The following RNF169 variants were observed in gnomAD, a reference collection of about 807,000 sequenced individuals.
The protein encoded by RNF169 is E3 ubiquitin-protein ligase RNF169.
In RNF169, 24 loss-of-function variants were observed where a neutral mutation model predicts 53.9. The observed-to-expected ratio is 0.45, with a 90% CI of 0.32 to 0.63. The LOEUF (loss-of-function observed/expected upper bound fraction) is 0.63. Ranked by LOEUF, RNF169 falls within the 20% of genes least tolerant of loss-of-function variation. The probability of loss-of-function intolerance (pLI) is 0.04; values close to 1 mark genes in which losing one functional copy is unlikely to be tolerated. For synonymous variants in RNF169, 396 were observed against 363.5 expected, an observed-to-expected ratio of 1.09 and a Z score of -1.02; for missense variants, 883 against 906.2, an observed-to-expected ratio of 0.97 and a Z score of 0.33.
chr11:74,789,911 A>T (rs192114282), intron 2 of RNF169, among the ~76,000 whole-genome samples: 2 of 152,338 alleles, frequency 1.3e-5, no homozygotes, highest in Admixed American at 1.3e-4. Flanking sequence ...CTTTTCAAAG[A>T]TGAAGACGTA....
intron 1 of RNF169, among the ~76,000 whole-genome samples, chr11:74,772,599 T>C (rs2035276818): frequency 2.0e-5 from 3 of 152,014 alleles, no homozygotes; most frequent in Non-Finnish European, 1.5e-5. Context: ...CTCAGTTACT[T>C]AGCTATTTTT....
chr11:74,814,930 C>T (rs2035923454), intron 3 of RNF169, among the ~76,000 whole-genome samples: 1 of 151,984 alleles, frequency 6.6e-6, no homozygotes, highest in Non-Finnish European at 1.5e-5. Flanking sequence ...TTACAGTTGC[C>T]CTCCAGAAGG....
At chr11:74,830,659 A>G (rs967988534) in intron 4 of RNF169, 2 of 152,196 alleles carry the variant, frequency 1.3e-5, no homozygotes, top group African/African-American at 4.8e-5. Context: ...AAAAATTAAA[A>G]GAATAAATAT....
In RNF169 at chr11:74,830,304, A is replaced by C. The variant is rs188950737; in HGVS notation, c.843-4372A>C. Among the ~76,000 whole-genome samples the C allele has an allele frequency of 2.4e-3, 370 of 152,242 alleles. 3 individuals carry two copies. Among genetic ancestry groups the C allele is most frequent in the African/African-American group, 8.5e-3 (353 of 41,542 alleles). ...AACGACTGGTCAAGAAAAAAAGAGA[A>C]GACTCAAATTACCAAAATTAGGAAG... is the stretch of plus-strand genomic sequence containing the variant. On this transcript the variant is annotated intron_variant, in intron 4 of 5. Transcript: ENST00000299563.
chr11:74,766,897 G>A (rs181301706), intron 1 of RNF169, among the ~76,000 whole-genome samples: 1,690 of 152,274 alleles, frequency 0.011, 33 homozygotes, highest in African/African-American at 0.037. Context: ...TTTACAACTT[G>A]ATAACAAAAT....
intron 1 of RNF169, among the ~76,000 whole-genome samples, chr11:74,769,239 A>C (rs2035222498): frequency 6.6e-6 from 1 of 152,226 alleles, no homozygotes. Flanking sequence ...GAAGAAGGAA[A>C]CTGAAAGTCT....
intron 1 of RNF169, among the ~76,000 whole-genome samples, chr11:74,783,161 G>A (rs963279643): frequency 1.3e-5 from 2 of 151,916 alleles, no homozygotes; most frequent in Admixed American, 1.3e-4. Context: ...ATTTTGCATT[G>A]AGTGTGGATG....
chr11:74,790,706 G>T (rs765286691), intron 2 of RNF169, among the ~76,000 whole-genome samples: 1 of 152,240 alleles, frequency 6.6e-6, no homozygotes, highest in African/African-American at 2.4e-5. Flanking sequence ...GGAGCTCCAG[G>T]TGCTGGCATG....
intron 1 of RNF169, among the ~76,000 whole-genome samples, chr11:74,769,639 A>G (rs1351818258): frequency 6.6e-6 from 1 of 152,262 alleles, no homozygotes. Context: ...CTGGGTATAT[A>G]TCAACATGGA....
At position 74,840,143 on chromosome 11, in the gene RNF169, G is replaced by C. The variant is rs932291143; in HGVS notation, c.*3413G>C. Reference sequence around the variant, plus strand: ...TGACTCATGTAGCTGATGACCGAAGGCTCATCCTTTCTTTTCTATTTGACA... The same window carrying C: ...TGACTCATGTAGCTGATGACCGAAGCCTCATCCTTTCTTTTCTATTTGACA... On this transcript the variant is annotated 3_prime_UTR_variant, in exon 6 of 6. Transcript: ENST00000299563. 1 of 152,166 alleles carries C rather than the reference G, an allele frequency of 6.6e-6. No individual in the cohort carries two copies. The highest frequency in any genetic ancestry group is 1.5e-5 in the Non-Finnish European group (1 of 68,046). 9.4% of individuals were successfully genotyped at this position (152,166 alleles called of 1,614,324 possible).
At position 74,835,841 on chromosome 11, in the gene RNF169, A is replaced by G. The variant is rs779305012; in HGVS notation, c.1238A>G (p.Asn413Ser). ...CTCATCATCAAATCAACTCCACGCAACCTAAACAGAAGCCTGCAGAAGCAG... is the reference window on the plus strand; with the variant it reads ...CTCATCATCAAATCAACTCCACGCAGCCTAAACAGAAGCCTGCAGAAGCAG... ...SPLIIKSTPR[N>S]LNRSLQKQTS... Residue 413 changes from asparagine (N) to serine (S), a missense_variant, in exon 6 of 6, where the codon AAC becomes AGC. Physicochemically the swap from Asn to Ser is conservative, Grantham distance 46. This residue lies in a region of RNF169 where 219 missense variants were observed against 289.1 expected (regional missense o/e 0.76). Transcript: ENST00000299563. The G allele has an allele frequency of 6.2e-7, 1 of 1,614,100 alleles. No homozygotes were observed. The highest frequency in any genetic ancestry group is 1.1e-5 in the South Asian group (1 of 91,084).
At chr11:74,806,903 C>G (rs1591418321) in intron 2 of RNF169, among the ~76,000 whole-genome samples, 2 of 151,528 alleles carry the variant, frequency 1.3e-5, no homozygotes, top group Non-Finnish European at 2.9e-5. Context: ...TATTTGTATA[C>G]TTTTCTGTGT....
intron 4 of RNF169, chr11:74,831,192 G>A (rs1565188316): frequency 2.0e-5 from 3 of 152,142 alleles, no homozygotes; most frequent in Non-Finnish European, 4.4e-5. Context: ...AGATGGCAAA[G>A]GAAGAAGTAA....
chr11:74,805,153 A>G (rs1184270370), intron 2 of RNF169, among the ~76,000 whole-genome samples: 1 of 152,216 alleles, frequency 6.6e-6, no homozygotes, highest in Non-Finnish European at 1.5e-5. Context: ...ACACTTGTGG[A>G]TAAGCAAATT....
At chr11:74,795,184 G>C (rs1021234377) in intron 2 of RNF169, among the ~76,000 whole-genome samples, 1 of 150,928 alleles carries the variant, frequency 6.6e-6, no homozygotes, top group South Asian at 2.1e-4. Flanking sequence ...TTTTTTGGGT[G>C]GGGGGGTGGT....
In RNF169 at chr11:74,838,798, G is replaced by GA. The variant is rs1271250750; in HGVS notation, c.*2069dup. 1 of 152,172 alleles carries GA rather than the reference G, an allele frequency of 6.6e-6. No homozygotes were observed. Among genetic ancestry groups the GA allele is most frequent in the Non-Finnish European group, 1.5e-5 (1 of 68,020 alleles). The allele number at this position is 152,172 out of a possible 1,614,324, so 9.4% of individuals were successfully genotyped here. On this transcript the variant is annotated 3_prime_UTR_variant, in exon 6 of 6. Coordinates refer to ENST00000299563, the MANE Select transcript of RNF169 (RefSeq NM_001098638.2). Reference sequence around the variant, plus strand: ...CTGGTTTACAGAAGACAGGGAGGGTGACCTTACTATAAATGCCCTTAGAGG... The same window carrying GA: ...CTGGTTTACAGAAGACAGGGAGGGTGAACCTTACTATAAATGCCCTTAGAGG...
intron 1 of RNF169, among the ~76,000 whole-genome samples, chr11:74,775,423 T>A (rs1434621275): frequency 6.6e-6 from 1 of 152,214 alleles, no homozygotes; most frequent in Admixed American, 6.5e-5. Context: ...TCTTTTTTAG[T>A]GAATCAAAAT....
intron 1 of RNF169, among the ~76,000 whole-genome samples, chr11:74,756,826 A>T (rs1393328381): frequency 6.6e-6 from 1 of 152,042 alleles, no homozygotes; most frequent in Admixed American, 6.6e-5. Context: ...AGGAATGAGG[A>T]TCCACTGAGG....
chr11:74,804,092 T>C (rs1361259163), intron 2 of RNF169, among the ~76,000 whole-genome samples: 1 of 152,154 alleles, frequency 6.6e-6, no homozygotes, highest in East Asian at 1.9e-4. Context: ...TCTCCCCATA[T>C]CTGTGTGGGT....
Sources: gnomAD v4.1 joint callset for allele counts (sites outside exome capture counted in the v4.1 genomes callset) on GRCh38, gnomAD v4.1.1 for gene constraint, gnomAD v4.1.1 regional missense constraint, MANE v1.5 for transcripts, NCBI Gene and HGNC (gene_info 2026-07-23, HGNC 2026-07-21) for gene names.